SMARCA5: variants seen among roughly 807,000 people sequenced by gnomAD.
The protein encoded by SMARCA5 is SNF2 related chromatin remodeling ATPase 5, also known as SWI/SNF-related matrix-associated actin-dependent regulator of chromatin subfamily A member 5.
SMARCA5 carries 18 observed loss-of-function variants against 140.4 expected under a neutral mutation model. The observed-to-expected ratio is 0.13, with a 90% confidence interval of 0.09 to 0.19. The LOEUF (loss-of-function observed/expected upper bound fraction) is 0.19. Among genes scored for constraint, SMARCA5 ranks in the 10% least tolerant of loss-of-function variants. The pLI, the probability that SMARCA5 is intolerant of heterozygous loss-of-function variation, is 1.00. For missense variants in SMARCA5, 606 were observed against 1,276.8 expected, an observed-to-expected ratio of 0.47 and a Z score of 8.01; for synonymous variants, 449 against 419.6, an observed-to-expected ratio of 1.07 and a Z score of -0.86.
In SMARCA5 at chr4:143,530,345, T is replaced by G. The variant is rs891378931; in HGVS notation, c.1090-113T>G. 3.3e-5 allele frequency: 20 copies of G among 609,394 alleles called. No individual in the cohort carries two copies. In the African/African-American group the frequency reaches 3.8e-4, roughly 12 times the overall value. The allele number at this position is 609,394 out of a possible 1,614,324, so 37.7% of individuals were successfully genotyped here. On this transcript the variant is annotated intron_variant, in intron 8 of 23. Coordinates refer to ENST00000283131, the MANE Select transcript of SMARCA5 (RefSeq NM_003601.4). ...CAGGATTGGACTAAGTGATTTTTTT[T>G]TGTGGGTTACAATTCAAATTACTAA... is the stretch of plus-strand genomic sequence containing the variant.
At chr4:143,521,795 G>A (rs1400609130) in intron 3 of SMARCA5, among the ~76,000 whole-genome samples, 200 bp downstream of exon 3, 1 of 148,148 alleles carries the variant, frequency 6.8e-6, no homozygotes, top group Non-Finnish European at 1.5e-5. Context: ...AGTGGCTCTT[G>A]CCTGTAATCG....
In SMARCA5 at chr4:143,546,730, A is replaced by G. The variant is rs760779473; in HGVS notation, c.2521-46A>G. ...AGGTTTGCTAATAGCATGTTTTCCAAGTTTAATGTGCTGTGATTAAATATT... is the reference window on the plus strand; with the variant it reads ...AGGTTTGCTAATAGCATGTTTTCCAGGTTTAATGTGCTGTGATTAAATATT... On this transcript the variant is annotated intron_variant, in intron 19 of 23. Coordinates refer to ENST00000283131, the MANE Select transcript of SMARCA5 (RefSeq NM_003601.4). The G allele has an allele frequency of 2.2e-5, 34 of 1,554,570 alleles. No individual in the cohort carries two copies. The East Asian group carries it at 3.6e-4, about 17-fold the overall frequency.
At chr4:143,534,750 G>A (rs527272287) in intron 9 of SMARCA5, 105 bp from the exon 10 acceptor site, 3 of 721,626 alleles carry the variant, frequency 4.2e-6, no homozygotes, top group Non-Finnish European at 6.5e-6. Context: ...TGATACTCAC[G>A]CAGAGAAATT....
chr4:143,522,763 G>A (rs998928690), intron 3 of SMARCA5, among the ~76,000 whole-genome samples: 1 of 152,012 alleles, frequency 6.6e-6, no homozygotes, highest in Non-Finnish European at 1.5e-5. Context: ...TAGTCAGTAT[G>A]ATGTCTCGAA....
intron 6 of SMARCA5, 42 bp from the exon 7 acceptor site, chr4:143,527,826 G>GT: frequency 1.3e-6 from 2 of 1,549,562 alleles, no homozygotes; most frequent in Non-Finnish European, 1.7e-6. Flanking sequence ...GTAATGCGTA[G>GT]TTTATTTCTA....
At chr4:143,526,876 A>G (rs1398091140) in intron 6 of SMARCA5, among the ~76,000 whole-genome samples, 1 of 152,060 alleles carries the variant, frequency 6.6e-6, no homozygotes, top group African/African-American at 2.4e-5. Context: ...AAAAAAAATC[A>G]TACTGGGAAG....
chr4:143,551,362 A>T (rs1737636464), intron 23 of SMARCA5, among the ~76,000 whole-genome samples: 1 of 151,922 alleles, frequency 6.6e-6, no homozygotes, highest in African/African-American at 2.4e-5. Flanking sequence ...ATTCTGTGGG[A>T]TGTCTCTTCA....
chr4:143,540,916 T>C (rs1368140133), intron 14 of SMARCA5, among the ~76,000 whole-genome samples: 1 of 152,222 alleles, frequency 6.6e-6, no homozygotes, highest in Non-Finnish European at 1.5e-5. Flanking sequence ...TCAAAGAGCC[T>C]GATTTTATTC....
At position 143,553,386 on chromosome 4, in the gene SMARCA5, TGAA is replaced by T. The variant is rs1336293062; in HGVS notation, c.*204_*206del. On this transcript the variant is annotated 3_prime_UTR_variant, in exon 24 of 24. Coordinates refer to ENST00000283131, the MANE Select transcript of SMARCA5 (RefSeq NM_003601.4). Reference sequence around the variant, plus strand: ...CTGAAATTTTTTTATCATTAACACTTGAAGTAATAAAATAGGCTTCATTTATTA... The same window carrying T: ...CTGAAATTTTTTTATCATTAACACTTGTAATAAAATAGGCTTCATTTATTA... 1 of 460,568 alleles carries T rather than the reference TGAA, an allele frequency of 2.2e-6. No individual in the cohort carries two copies. The highest frequency in any genetic ancestry group is 3.8e-5 in the Admixed American group (1 of 26,258). The allele number at this position is 460,568 out of a possible 1,614,324, so 28.5% of individuals were successfully genotyped here. A position where few individuals can be genotyped will look rare whatever the true frequency, so the allele number is the denominator to read the frequency against.
intron 22 of SMARCA5, among the ~76,000 whole-genome samples, chr4:143,548,978 C>T (rs1217079249): frequency 6.6e-6 from 1 of 151,926 alleles, no homozygotes; most frequent in African/African-American, 2.4e-5. Context: ...ATGTACTAAA[C>T]TTAAATACAT....
At chr4:143,515,011 G>A (rs1283455230) in intron 1 of SMARCA5, among the ~76,000 whole-genome samples, 1 of 152,146 alleles carries the variant, frequency 6.6e-6, no homozygotes, top group African/African-American at 2.4e-5. Flanking sequence ...CTTTGCATCT[G>A]GGAACAAAGT....
At chr4:143,533,073 T>TA (rs1443493133) in intron 9 of SMARCA5, among the ~76,000 whole-genome samples, 1 of 152,208 alleles carries the variant, frequency 6.6e-6, no homozygotes, top group Non-Finnish European at 1.5e-5. Flanking sequence ...AAGGGTATCT[T>TA]TAGTTGTGTA....
chr4:143,523,274 A>T (rs970093176), intron 3 of SMARCA5, among the ~76,000 whole-genome samples: 10 of 151,286 alleles, frequency 6.6e-5, no homozygotes, highest in Non-Finnish European at 1.3e-4. Flanking sequence ...TGATCCACCC[A>T]CCTCTGCCTC....
intron 21 of SMARCA5, 67 bp from the exon 22 acceptor site, chr4:143,547,861 A>C (rs1737563454): frequency 9.4e-6 from 9 of 952,492 alleles, no homozygotes; most frequent in Admixed American, 7.7e-5. Context: ...ATTATACTAA[A>C]GCTGAGTTTG....
Position 143,528,768 on chromosome 4 carries a change from A to G in SMARCA5, c.1089+54A>G, listed in dbSNP as rs78005612. 743 of 1,526,914 alleles carry G rather than the reference A, an allele frequency of 4.9e-4. 4 individuals carry two copies. In the African/African-American group the frequency reaches 9.5e-3, roughly 20 times the overall value. 94.6% of individuals were successfully genotyped at this position (1,526,914 alleles called of 1,614,324 possible). ...ATAATAATATTTTGCTTAATGCTAT[A>G]TATTTTTGTAATAAAAGTGGCCTGC... is the stretch of plus-strand genomic sequence containing the variant. On this transcript the variant is annotated intron_variant, in intron 8 of 23. Transcript: ENST00000283131.
At chr4:143,528,263 T>C (rs894209643) in intron 7 of SMARCA5, among the ~76,000 whole-genome samples, 1 of 152,142 alleles carries the variant, frequency 6.6e-6, no homozygotes, top group Non-Finnish European at 1.5e-5. Flanking sequence ...CGACAGGTCC[T>C]GGCATGTGGT....
chr4:143,545,951 T>G lies in SMARCA5; in HGVS notation c.2424T>G (p.Asn808Lys). 1 of 1,609,854 alleles carries G rather than the reference T, an allele frequency of 6.2e-7. No individual in the cohort carries two copies. The highest frequency in any genetic ancestry group is 8.5e-7 in the Non-Finnish European group (1 of 1,177,912). ...YKVPRNPELP[N>K]AAQAQKEEQL... Reference sequence around the variant, plus strand: ...TACCTCGAAATCCTGAGCTGCCTAATGCAGCACAGGCACAAAAAGAAGAAC... The same window carrying G: ...TACCTCGAAATCCTGAGCTGCCTAAGGCAGCACAGGCACAAAAAGAAGAAC... Residue 808 changes from asparagine (N) to lysine (K), a missense_variant, in exon 19 of 24, where the codon AAT becomes AAG. By Grantham distance (94) the Asn-to-Lys change is moderately conservative. Around this residue, in one of 10 missense-constraint regions of SMARCA5, gnomAD observed 121 missense variants for 227.1 expected, o/e 0.53. Coordinates refer to ENST00000283131, the MANE Select transcript of SMARCA5 (RefSeq NM_003601.4).
At position 143,514,392 on chromosome 4, in the gene SMARCA5, C is replaced by G. The variant is rs1736778370; in HGVS notation, c.177+291C>G. 2.2e-5 allele frequency: 8 copies of G among 358,606 alleles called. No individual in the cohort carries two copies. The East Asian group carries it at 3.5e-4, about 16-fold the overall frequency. 22.2% of individuals were successfully genotyped at this position (358,606 alleles called of 1,614,324 possible). ...AACAGATGTTCTTGGTTACCGTGGC[C>G]CGGGGGACCCATCGTTTTTTTCCCA... is the stretch of plus-strand genomic sequence containing the variant. On this transcript the variant is annotated intron_variant, in intron 1 of 23. Coordinates refer to ENST00000283131, the MANE Select transcript of SMARCA5 (RefSeq NM_003601.4).
At chr4:143,519,150 G>A (rs557457559) in intron 2 of SMARCA5, among the ~76,000 whole-genome samples, 5 of 151,966 alleles carry the variant, frequency 3.3e-5, no homozygotes, top group African/African-American at 9.7e-5. Flanking sequence ...CCTGTAATCC[G>A]TATTTTCATT....
Sources: allele counts gnomAD v4.1 joint callset (sites outside exome capture counted in the v4.1 genomes callset), GRCh38; gene constraint gnomAD v4.1.1; regional missense constraint gnomAD v4.1.1; transcripts MANE v1.5; gene names NCBI Gene and HGNC (gene_info 2026-07-23, HGNC 2026-07-21).